The following SEMA5A variants were observed in gnomAD, a reference collection of about 807,000 sequenced individuals.
SEMA5A encodes semaphorin-5A.
Under a neutral mutation model 135.5 loss-of-function variants are expected in SEMA5A, and 55 were observed. The observed-to-expected ratio is 0.41, with a 90% CI of 0.33 to 0.51. The LOEUF is 0.51. SEMA5A is among the 20% of genes least tolerant of loss of function. The pLI is 0.37. For synonymous variants in SEMA5A, 580 were observed against 546.5 expected (o/e 1.06, Z -0.85); for missense variants, 1,290 against 1,419.9 (o/e 0.91, Z 1.47).
intron 2 of SEMA5A, among the ~76,000 whole-genome samples, chr5:9,420,999 G>A (rs1757448755): frequency 6.6e-6 from 1 of 152,224 alleles, no homozygotes; most frequent in Non-Finnish European, 1.5e-5. Flanking sequence ...CTGGGTGACA[G>A]AGCGAGACTT....
chr5:9,169,192 A>C (rs1743776686), intron 11 of SEMA5A, among the ~76,000 whole-genome samples: 1 of 152,188 alleles, frequency 6.6e-6, no homozygotes, highest in African/African-American at 2.4e-5. Context: ...AAGAACAAAG[A>C]AAAGGGTAAC....
chr5:9,145,641 CT>C (rs36054284), intron 12 of SEMA5A, among the ~76,000 whole-genome samples: 7,695 of 117,460 alleles, frequency 0.066, 415 homozygotes, highest in East Asian at 0.29. Flanking sequence ...AAGAAGAAAA[CT>C]TTTTTTTTTT....
intron 1 of SEMA5A, among the ~76,000 whole-genome samples, chr5:9,492,512 T>A (rs1481031531): frequency 6.6e-6 from 1 of 152,106 alleles, no homozygotes; most frequent in African/African-American, 2.4e-5. Context: ...GAGCAAGAAG[T>A]TAACACATTG....
chr5:9,083,606 C>T (rs1406019726), intron 16 of SEMA5A, among the ~76,000 whole-genome samples: 1 of 151,906 alleles, frequency 6.6e-6, no homozygotes, highest in East Asian at 1.9e-4. Context: ...ATCCATCCAT[C>T]CATCCATCCA....
chr5:9,120,153 C>G (rs2150180309), intron 14 of SEMA5A, among the ~76,000 whole-genome samples: 1 of 152,136 alleles, frequency 6.6e-6, no homozygotes, highest in South Asian at 2.1e-4. Context: ...CGGTCTACTT[C>G]ATGCAGAATT....
intron 1 of SEMA5A, among the ~76,000 whole-genome samples, chr5:9,491,752 T>C (rs1735017150): frequency 6.6e-6 from 1 of 152,226 alleles, no homozygotes; most frequent in African/African-American, 2.4e-5. Context: ...GATGTTGTAT[T>C]ACCACTAACA....
chr5:9,081,659 T>A (rs796334221), intron 16 of SEMA5A, among the ~76,000 whole-genome samples: 1 of 152,304 alleles, frequency 6.6e-6, no homozygotes, highest in East Asian at 1.9e-4. Flanking sequence ...TCTAGGAAGG[T>A]GAGGCCAGTG....
rs865835560 is a variant in SEMA5A, at chr5:9,243,680, C to T, written c.271-5790G>A. 8.5e-5 allele frequency among the ~76,000 whole-genome samples: 13 copies of T among 152,246 alleles called. 1 individual carries two copies. The highest frequency in any genetic ancestry group is 1.4e-4 in the African/African-American group (6 of 41,562). On this transcript the variant is annotated intron_variant, in intron 5 of 22. Transcript: ENST00000382496. ...CTAAATGCTTTCTATACACTTACCT[C>T]GTTTAATGTGAGAGGTACTATTATA... is the stretch of plus-strand genomic sequence containing the variant.
At chr5:9,340,244 C>A (rs1221554717) in intron 3 of SEMA5A, among the ~76,000 whole-genome samples, 3 of 152,158 alleles carry the variant, frequency 2.0e-5, no homozygotes, top group African/African-American at 7.2e-5. Flanking sequence ...CTGCCAGGAC[C>A]AGGCTCCAGA....
chr5:9,233,961 C>T (rs1177435663), intron 6 of SEMA5A, among the ~76,000 whole-genome samples: 1 of 151,806 alleles, frequency 6.6e-6, no homozygotes, highest in Non-Finnish European at 1.5e-5. Context: ...GCATTCTTCT[C>T]ATTTTTGAGA....
At position 9,449,814 on chromosome 5, in the gene SEMA5A, C is replaced by T. The variant is rs146119473; in HGVS notation, c.-174-11962G>A. Among the ~76,000 whole-genome samples, 320 of 152,240 alleles carry T rather than the reference C, an allele frequency of 2.1e-3. 3 individuals carry two copies. Among genetic ancestry groups the T allele is most frequent in the Middle Eastern group, 0.01 (3 of 294 alleles). ...CTGGGTAACGTTTGGCAGATAGCAG[C>T]ATGCAGGAACCCCTTTCTTACAAGT... is the stretch of plus-strand genomic sequence containing the variant. On this transcript the variant is annotated intron_variant, in intron 1 of 22. Transcript: ENST00000382496.
At chr5:9,462,984 T>A (rs1759112896) in intron 1 of SEMA5A, among the ~76,000 whole-genome samples, 3 of 123,726 alleles carry the variant, frequency 2.4e-5, no homozygotes, top group Non-Finnish European at 3.6e-5. Flanking sequence ...AAAATAAAAG[T>A]TAAAAAAAAA....
chr5:9,286,507 T>C (rs754027450), intron 5 of SEMA5A, among the ~76,000 whole-genome samples: 2 of 152,224 alleles, frequency 1.3e-5, no homozygotes, highest in Non-Finnish European at 2.9e-5. Context: ...ATGTAATGCT[T>C]TGGGCAACGG....
intron 5 of SEMA5A, among the ~76,000 whole-genome samples, chr5:9,264,609 G>C (rs1368606955): frequency 1.3e-5 from 2 of 152,084 alleles, no homozygotes; most frequent in African/African-American, 4.8e-5. Context: ...GTTGCTGGGG[G>C]TGTGGCATTC....
At chr5:9,161,686 G>A (rs1743264356) in intron 11 of SEMA5A, among the ~76,000 whole-genome samples, 1 of 152,200 alleles carries the variant, frequency 6.6e-6, no homozygotes, top group Admixed American at 6.5e-5. Flanking sequence ...CTGCTCTGGA[G>A]AGCCAGGTAC....
At chr5:9,240,692 T>C (rs188604701) in intron 5 of SEMA5A, among the ~76,000 whole-genome samples, 6 of 152,252 alleles carry the variant, frequency 3.9e-5, no homozygotes, top group Non-Finnish European at 5.9e-5. Context: ...AACTTCCTTA[T>C]TCTTCTAGAT....
intron 2 of SEMA5A, among the ~76,000 whole-genome samples, chr5:9,392,891 A>C (rs1756228635): frequency 6.6e-6 from 1 of 152,236 alleles, no homozygotes; most frequent in African/African-American, 2.4e-5. Flanking sequence ...GCCATTGAGC[A>C]GTGCTTACGG....
intron 5 of SEMA5A, among the ~76,000 whole-genome samples, chr5:9,262,804 C>A (rs1378965845): frequency 1.7e-4 from 19 of 114,494 alleles, no homozygotes; most frequent in African/African-American, 5.8e-4. Flanking sequence ...CTAGATGACA[C>A]GTTAGTGGGT....
chr5:9,337,621 C>G lies in SEMA5A; in HGVS notation c.224+92G>C, dbSNP rs1561161060. ...ATAAGAAATAATATTATTCAGCATT[C>G]TTCAGTTTTGTCAGTGAAGGTCACA... On this transcript the variant is annotated intron_variant, in intron 4 of 22. Coordinates refer to ENST00000382496, the MANE Select transcript of SEMA5A (RefSeq NM_003966.3). The G allele has an allele frequency of 4.0e-6, 3 of 759,074 alleles. No individual in the cohort carries two copies. In the African/African-American group the frequency reaches 5.2e-5, roughly 13 times the overall value. The allele number at this position is 759,074 out of a possible 1,614,324, so 47.0% of individuals were successfully genotyped here.
Sources: allele counts gnomAD v4.1 joint callset (sites outside exome capture counted in the v4.1 genomes callset), GRCh38; gene constraint gnomAD v4.1.1; transcripts MANE v1.5; gene names NCBI Gene and HGNC (gene_info 2026-07-23, HGNC 2026-07-21).